Variants in RBFOX1 observed in about 807,000 individuals in gnomAD.
RBFOX1 encodes RNA binding protein fox-1 homolog 1.
In RBFOX1, 8 loss-of-function variants were observed where a neutral mutation model predicts 57.7. The observed-to-expected ratio is 0.14, with a 90% CI of 0.08 to 0.25. The LOEUF (loss-of-function observed/expected upper bound fraction) is 0.25, where lower values mean the gene tolerates loss of function less well. Ranked by LOEUF, RBFOX1 falls within the 10% of genes least tolerant of loss-of-function variation. The probability of loss-of-function intolerance (pLI) is 1.00; values close to 1 mark genes in which losing one functional copy is unlikely to be tolerated. For synonymous variants in RBFOX1, 326 were observed against 222.4 expected (o/e 1.47, Z -4.15); for missense variants, 611 against 548.5 (o/e 1.11, Z -1.14).
chr16:7,681,444 C>T (rs969766562), intron 14 of RBFOX1, among the ~76,000 whole-genome samples: 1 of 152,266 alleles, frequency 6.6e-6, no homozygotes, highest in South Asian at 2.1e-4. Flanking sequence ...TTAGCGCAGG[C>T]TACTTCCTGT....
At chr16:7,328,677 C>G (rs1327349586) in intron 4 of RBFOX1, 3 of 149,038 alleles carry the variant, frequency 2.0e-5, no homozygotes, top group Non-Finnish European at 4.4e-5. Context: ...CTATCAAAGC[C>G]TGGCTAAGAA....
At position 6,019,376 on chromosome 16, in the gene RBFOX1, C is replaced by G. The variant is rs1363086801; in HGVS notation, c.-743C>G. The G allele has an allele frequency of 1.0e-5, 10 of 985,456 alleles. No homozygotes were observed. The East Asian group carries it at 4.6e-4, about 45-fold the overall frequency. The allele number at this position is 985,456 out of a possible 1,614,324, so 61.0% of individuals were successfully genotyped here. A position where few individuals can be genotyped will look rare whatever the true frequency, so the allele number is the denominator to read the frequency against. On this transcript the variant is annotated 5_prime_UTR_variant, in exon 1 of 16. Coordinates refer to ENST00000550418, the MANE Select transcript of RBFOX1 (RefSeq NM_018723.4). The surrounding 1 kb of genome is among the most constrained non-coding windows in gnomAD (Gnocchi z 4.2). ...GAGTCGGTGGGACTGGCTGCGCTGCCCTGAAGTGGTTCTCCAAGCAGCGCG... is the reference window on the plus strand; with the variant it reads ...GAGTCGGTGGGACTGGCTGCGCTGCGCTGAAGTGGTTCTCCAAGCAGCGCG...
chr16:6,240,800 A>G lies in RBFOX1; in HGVS notation c.-126-76195A>G, dbSNP rs146925010. 3.2e-4 allele frequency among the ~76,000 whole-genome samples: 48 copies of G among 152,040 alleles called. No individual in the cohort carries two copies. The East Asian group carries it at 8.5e-3, about 27-fold the overall frequency. On this transcript the variant is annotated intron_variant, in intron 1 of 15. Transcript: ENST00000550418. ...TTCTATTCCATTTGGTCAGTCTCCA[A>G]CTCTTTCTTGATTCACCTGATATTT... is the stretch of plus-strand genomic sequence containing the variant.
intron 3 of RBFOX1, among the ~76,000 whole-genome samples, chr16:6,895,930 T>TA (rs1300796554): frequency 6.6e-6 from 1 of 152,082 alleles, no homozygotes; most frequent in African/African-American, 2.4e-5. Flanking sequence ...GGTGGGTACA[T>TA]AGTAGGTATA....
intron 3 of RBFOX1, among the ~76,000 whole-genome samples, chr16:6,824,194 C>G: frequency 6.6e-6 from 1 of 152,214 alleles, no homozygotes; most frequent in East Asian, 1.9e-4. Context: ...CACCTGAGGT[C>G]AGGAGTTCGA....
chr16:7,303,760 G>GCTCT lies in RBFOX1; in HGVS notation c.28-214368_28-214365dup, dbSNP rs145673482. Among the ~76,000 whole-genome samples the GCTCT allele has an allele frequency of 5.8e-3, 809 of 139,956 alleles. 6 individuals carry two copies. The Middle Eastern group carries it at 0.086, about 15-fold the overall frequency. The allele number at this position is 139,956 out of a possible 152,430, so 91.8% of individuals were successfully genotyped here. Reference sequence around the variant, plus strand: ...TCTCTCTCTCTTTACCCTCCCTCTCGCTCTCTCTCTCTCTCTCTCTCTGTC... The same window carrying GCTCT: ...TCTCTCTCTCTTTACCCTCCCTCTCGCTCTCTCTCTCTCTCTCTCTCTCTCTGTC... On this transcript the variant is annotated intron_variant, in intron 4 of 15. Transcript: ENST00000550418.
At chr16:7,000,840 G>A (rs1214231132) in intron 3 of RBFOX1, among the ~76,000 whole-genome samples, 1 of 152,004 alleles carries the variant, frequency 6.6e-6, no homozygotes, top group Non-Finnish European at 1.5e-5. Flanking sequence ...CTGACCTTGT[G>A]ATCCGCCCGC....
chr16:6,290,262 C>T (rs1446893668), intron 1 of RBFOX1, among the ~76,000 whole-genome samples: 5 of 129,978 alleles, frequency 3.8e-5, no homozygotes, highest in East Asian at 2.3e-4. Flanking sequence ...GCACTAAGAA[C>T]GAAGGTGAAT....
chr16:5,481,905 AC>A (rs2069557347), intron 2 of RBFOX1, among the ~76,000 whole-genome samples: 1 of 152,148 alleles, frequency 6.6e-6, no homozygotes, highest in African/African-American at 2.4e-5. Context: ...ATAAGGGCCC[AC>A]CCTAATGACC....
intron 3 of RBFOX1, among the ~76,000 whole-genome samples, chr16:5,743,921 T>C (rs1330296390): frequency 1.3e-5 from 2 of 152,202 alleles, no homozygotes; most frequent in South Asian, 2.1e-4. Context: ...CAAGAACTTA[T>C]TCATCTTGAT....
intron 4 of RBFOX1, among the ~76,000 whole-genome samples, chr16:5,963,909 G>C (rs868163960): frequency 3.9e-5 from 6 of 152,184 alleles, no homozygotes; most frequent in African/African-American, 1.4e-4. Context: ...GTGGTTTTAC[G>C]TGAGAGCAGA....
chr16:6,111,580 A>G (rs935885083), intron 1 of RBFOX1, among the ~76,000 whole-genome samples: 1 of 152,200 alleles, frequency 6.6e-6, no homozygotes, highest in Non-Finnish European at 1.5e-5. Flanking sequence ...CCCCAGGACT[A>G]TGGCTTTTGA....
intron 2 of RBFOX1, among the ~76,000 whole-genome samples, chr16:6,459,008 A>T (rs2534760): frequency 0.3 from 45,599 of 152,058 alleles, 6,993 homozygotes; most frequent in Middle Eastern, 0.33. Flanking sequence ...ATTCCACTAG[A>T]AATTAAGTGC....
rs868659007 is a variant in RBFOX1 at position 6,365,979 on chromosome 16, G to T, written c.-64+48922G>T. On this transcript the variant is annotated intron_variant, in intron 2 of 15. Transcript: ENST00000550418. ...TTTACTTTCCCCTCCTTCTCTGGGT[G>T]TTTTTTTTTTCCACGATACATTTTA... is the stretch of plus-strand genomic sequence containing the variant. Among the ~76,000 whole-genome samples the T allele has an allele frequency of 1.8e-4, 27 of 147,666 alleles. No homozygotes were observed. The South Asian group carries it at 5.4e-3, about 29-fold the overall frequency.
intron 2 of RBFOX1, among the ~76,000 whole-genome samples, chr16:5,508,080 C>T (rs1027639767): frequency 6.6e-5 from 10 of 152,242 alleles, no homozygotes; most frequent in African/African-American, 2.4e-4. Context: ...GCCCCTCTGA[C>T]ATGCTAGTTT....
chr16:6,610,330 C>G (rs1330006407), intron 2 of RBFOX1, among the ~76,000 whole-genome samples: 1 of 151,960 alleles, frequency 6.6e-6, no homozygotes, highest in Non-Finnish European at 1.5e-5. Context: ...CATTGACATT[C>G]TTATTTTTTT....
intron 2 of RBFOX1, among the ~76,000 whole-genome samples, chr16:6,614,360 A>G (rs1405162120): frequency 5.3e-5 from 8 of 152,216 alleles, no homozygotes; most frequent in Non-Finnish European, 1.2e-4. Flanking sequence ...AAGAATTAAC[A>G]TCCCTGATTT....
At position 6,667,671 on chromosome 16, in the gene RBFOX1, G is replaced by A. The variant is rs531112230; in HGVS notation, c.-16+13021G>A. The stretch of plus-strand genomic sequence containing the variant: ...ACAAGTGGGAGGATTACTTGAGCTC[G>A]GGAGTTTGAGATGAGCCTAGGCAAC... On this transcript the variant is annotated intron_variant, in intron 3 of 15. Coordinates refer to ENST00000550418, the MANE Select transcript of RBFOX1 (RefSeq NM_018723.4). Among the ~76,000 whole-genome samples the A allele has an allele frequency of 6.6e-5, 10 of 152,104 alleles. No individual in the cohort carries two copies. The East Asian group carries it at 1.7e-3, about 27-fold the overall frequency.
chr16:6,760,766 G>A (rs1471894170), intron 3 of RBFOX1, among the ~76,000 whole-genome samples: 1 of 152,218 alleles, frequency 6.6e-6, no homozygotes, highest in African/African-American at 2.4e-5. Context: ...AAGATGCAGA[G>A]ATGAGCAGTC....
Sources: allele counts gnomAD v4.1 joint callset (sites outside exome capture counted in the v4.1 genomes callset), GRCh38; gene constraint gnomAD v4.1.1; non-coding constraint Gnocchi (gnomAD v3.1); transcripts MANE v1.5; gene names NCBI Gene and HGNC (gene_info 2026-07-23, HGNC 2026-07-21).